ZNF16: variants seen among roughly 807,000 people sequenced by gnomAD.
ZNF16 encodes the protein zinc finger protein 16, also known as zinc finger protein KOX9.
A neutral mutation model predicts 9.0 loss-of-function variants in ZNF16; 7 were observed. The ratio of observed to expected loss-of-function variants is 0.78; its 90% CI spans 0.44 to 1.47. The LOEUF is 1.47. Ranked by LOEUF, ZNF16 falls within the 40% of genes most tolerant of loss-of-function variation. The probability of loss-of-function intolerance (pLI) is 0.01; values close to 1 mark genes in which losing one functional copy is unlikely to be tolerated. For synonymous variants in ZNF16, 312 were observed against 301.5 expected (o/e 1.03, Z -0.36); for missense variants, 830 against 854.2 (o/e 0.97, Z 0.35).
intron 2 of ZNF16, chr8:144,944,677 C>A (rs1833886157): frequency 6.6e-6 from 1 of 152,198 alleles, no homozygotes; most frequent in Non-Finnish European, 1.5e-5. Context: ...TTATATGCTT[C>A]ATGATTTTTG....
chr8:144,945,933 C>A, intron 2 of ZNF16, 78 bp downstream of exon 2: 1 of 1,571,706 alleles, frequency 6.4e-7, no homozygotes, highest in East Asian at 2.3e-5. Context: ...ACAGATGCCT[C>A]CTAGGGGTAA....
At chr8:144,935,359 T>C (rs1214970103) in intron 2 of ZNF16, among the ~76,000 whole-genome samples, 3 of 152,038 alleles carry the variant, frequency 2.0e-5, no homozygotes, top group Non-Finnish European at 2.9e-5. Flanking sequence ...TGTGCCACCA[T>C]GCCCTGCTAA....
Position 144,932,092 on chromosome 8 carries a change from G to T in ZNF16, c.695C>A (p.Thr232Asn), listed in dbSNP as rs1377368055. 1.9e-6 allele frequency: 3 copies of T among 1,614,136 alleles called. No individual in the cohort carries two copies. The highest frequency in any genetic ancestry group is 1.3e-5 in the African/African-American group (1 of 75,034). Residue 232 changes from threonine (T) to asparagine (N), a missense_variant, in exon 3 of 3, where the codon ACT becomes AAT. Thr to Asn is a moderately conservative substitution (Grantham distance 65, BLOSUM62 0). Transcript: ENST00000394909. This position sits in a 1 kb window ranked among gnomAD's most constrained non-coding sequence, Gnocchi z 5.0. Reference protein sequence around the residue: ...PDLIQRQIVHTGEASFMCDDC... With the variant: ...PDLIQRQIVHNGEASFMCDDC... ...ATCACACATAAAGGAAGCCTCCCCAGTGTGGACTATTTGACGCTGAATAAG... is the reference window on the plus strand; with the variant it reads ...ATCACACATAAAGGAAGCCTCCCCATTGTGGACTATTTGACGCTGAATAAG...
In ZNF16 at chr8:144,931,992, G is replaced by T; in HGVS notation, c.795C>A (p.Tyr265Ter). 1 of 1,614,138 alleles carries T rather than the reference G, an allele frequency of 6.2e-7. No homozygotes were observed. Residue 265 changes from tyrosine (Y) to a stop codon, truncating the protein, a stop_gained, in exon 3 of 3, where the codon TAC (tyrosine) becomes TAA (stop). Coordinates refer to ENST00000394909, the MANE Select transcript of ZNF16 (RefSeq NM_006958.3). LOFTEE classifies it low-confidence loss of function (END_TRUNC). Reference protein sequence around the residue: ...RHRSHMSEKAYQCSECGKAFR... With the variant: ...RHRSHMSEKA Reference sequence around the variant, plus strand: ...AGGCTTTCCCACATTCGCTGCACTGGTAAGCTTTCTCACTCATATGAGATC... The same window carrying T: ...AGGCTTTCCCACATTCGCTGCACTGTTAAGCTTTCTCACTCATATGAGATC...
At position 144,946,045 on chromosome 8, in the gene ZNF16, C is replaced by T. The variant is rs373803985; in HGVS notation, c.162G>A (p.Glu54=). The T allele has an allele frequency of 2.5e-6, 4 of 1,613,708 alleles. No homozygotes were observed. In the African/African-American group the frequency reaches 5.3e-5, roughly 22 times the overall value. The part of the protein sequence containing the change: ...ACGTPCCSDT[E]LEAICPHYQQ... ...GATAGTGAGGGCAGATGGCTTCCAG[C>T]TCAGTATCACTACAGCAGGGGGTAC... Residue 54 remains glutamate (E), a synonymous_variant, in exon 2 of 3, where the codon GAG becomes GAA. Coordinates refer to ENST00000394909, the MANE Select transcript of ZNF16 (RefSeq NM_006958.3).
intron 2 of ZNF16, among the ~76,000 whole-genome samples, chr8:144,940,235 C>T (rs1346022050): frequency 6.6e-6 from 1 of 152,076 alleles, no homozygotes; most frequent in South Asian, 2.1e-4. Flanking sequence ...CAAGCAACCA[C>T]GCCCAGCTAA....
At chr8:144,950,162 T>G (rs967174608) in intron 1 of ZNF16, among the ~76,000 whole-genome samples, 2 of 151,758 alleles carry the variant, frequency 1.3e-5, no homozygotes, top group African/African-American at 2.4e-5. Flanking sequence ...CCCTTAAACT[T>G]AATTATGGCA....
In ZNF16 at chr8:144,946,057, A is replaced by G. The variant is rs948269632; in HGVS notation, c.150T>C (p.Cys50=). The G allele has an allele frequency of 3.1e-6, 5 of 1,613,590 alleles. No individual in the cohort carries two copies. In the African/African-American group the frequency reaches 5.3e-5, roughly 17 times the overall value. ...PGSAACGTPC[C]SDTELEAICP... is the part of the protein sequence containing the mutation. The stretch of plus-strand genomic sequence containing the variant: ...AGATGGCTTCCAGCTCAGTATCACT[A>G]CAGCAGGGGGTACCACAGGCTGCAG... Residue 50 remains cysteine (C), a synonymous_variant, in exon 2 of 3, where the codon TGT becomes TGC. Coordinates refer to ENST00000394909, the MANE Select transcript of ZNF16 (RefSeq NM_006958.3).
rs1388353746 is a variant in ZNF16, at chr8:144,933,516, C to T, written c.197-926G>A. ...AAAGAAACCCTCATGTCCCTGTGTC[C>T]CTTACTCAAATGAAGATGTCACGAG... On this transcript the variant is annotated intron_variant, in intron 2 of 2. Transcript: ENST00000394909. This position sits in a 1 kb window ranked among gnomAD's most constrained non-coding sequence, Gnocchi z 5.6. Among the ~76,000 whole-genome samples the T allele has an allele frequency of 6.6e-6, 1 of 152,058 alleles. No individual in the cohort carries two copies. The highest frequency in any genetic ancestry group is 6.5e-5 in the Admixed American group (1 of 15,272).
intron 2 of ZNF16, among the ~76,000 whole-genome samples, chr8:144,936,441 A>G (rs1833683951): frequency 6.6e-6 from 1 of 152,178 alleles, no homozygotes; most frequent in Non-Finnish European, 1.5e-5. Flanking sequence ...GAGTAGTACT[A>G]TGTTCAAACT....
Position 144,930,770 on chromosome 8 carries a change from T to C in ZNF16, c.2017A>G (p.Ile673Val). Residue 673 changes from isoleucine (I) to valine (V), a missense_variant, in exon 3 of 3, where the codon ATC becomes GTC. Transcript: ENST00000394909. ...CTGGTGTGAATCAACTGGTGTTTGA[T>C]CAACTTTGATCGCTGGCTGAAGGCT... Reference protein sequence around the residue: ...GKAFSQRSKLIKHQLIHTRE With the variant: ...GKAFSQRSKLVKHQLIHTRE The C allele has an allele frequency of 6.5e-7, 1 of 1,534,314 alleles. No homozygotes were observed. The highest frequency in any genetic ancestry group is 8.7e-7 in the Non-Finnish European group (1 of 1,143,492).
chr8:144,930,582 T>C lies in ZNF16; in HGVS notation c.*156A>G, dbSNP rs528730375. 8.1e-6 allele frequency: 6 copies of C among 740,712 alleles called. No individual in the cohort carries two copies. The East Asian group carries it at 1.3e-4, about 16-fold the overall frequency. 45.9% of individuals were successfully genotyped at this position (740,712 alleles called of 1,614,324 possible). ...CAGTGAGAAGGGAGCCTGTAAAGGA[T>C]GTTTCAAAGGAGGGTCCCAGGCTAT... On this transcript the variant is annotated 3_prime_UTR_variant, in exon 3 of 3. Transcript: ENST00000394909.
At chr8:144,944,575 T>C (rs184118500) in intron 2 of ZNF16, 11 of 152,406 alleles carry the variant, frequency 7.2e-5, no homozygotes, top group Admixed American at 2.6e-4. Context: ...TTTGAAGTTT[T>C]TGTCTACTTA....
At chr8:144,945,950 G>T in intron 2 of ZNF16, 61 bp downstream of exon 2, 1 of 1,594,450 alleles carries the variant, frequency 6.3e-7, no homozygotes, top group South Asian at 1.1e-5. Context: ...GTAAGCACAG[G>T]GTTCCATGGA....
Position 144,931,655 on chromosome 8 carries a change from CA to C in ZNF16, c.1131del (p.Phe377LeufsTer16). The C allele has an allele frequency of 2.5e-6, 4 of 1,613,512 alleles. No homozygotes were observed. The highest frequency in any genetic ancestry group is 3.4e-6 in the Non-Finnish European group (4 of 1,179,850). Reference protein sequence around the residue: ...HHRTHTGEKPFECGECGKAFS... With the variant: ...HHRTHTGEKPXECGECGKAFS... ...AAGGCTTTCCCACACTCGCCACACT[CA>C]AAAGGCTTCTCTCCTGTGTGAGTCC... On this transcript the variant is annotated frameshift_variant, in exon 3 of 3. Transcript: ENST00000394909. LOFTEE classifies it low-confidence loss of function (END_TRUNC).
chr8:144,934,818 G>T (rs1470830007), intron 2 of ZNF16, among the ~76,000 whole-genome samples: 1 of 152,210 alleles, frequency 6.6e-6, no homozygotes, highest in Non-Finnish European at 1.5e-5. Context: ...CATTACGGCT[G>T]TATGATCTCT....
rs181996509 is a variant in ZNF16, at chr8:144,935,458, G to A, written c.197-2868C>T. 9.9e-4 allele frequency among the ~76,000 whole-genome samples: 150 copies of A among 151,398 alleles called. 3 individuals are homozygous for A. The highest frequency in any genetic ancestry group is 9.4e-3 in the Admixed American group (143 of 15,266). ...TGACCTCAGGTGATCTACCCGCCTC[G>A]GCCTCCCAGACTGCTGGGATTACAG... On this transcript the variant is annotated intron_variant, in intron 2 of 2. Transcript: ENST00000394909.
At chr8:144,942,791 T>C (rs1271671067) in intron 2 of ZNF16, among the ~76,000 whole-genome samples, 1 of 152,234 alleles carries the variant, frequency 6.6e-6, no homozygotes, top group Non-Finnish European at 1.5e-5. Context: ...GCAGACCTTT[T>C]ATGCATTTGT....
At chr8:144,941,000 C>T (rs1833784535) in intron 2 of ZNF16, among the ~76,000 whole-genome samples, 1 of 152,142 alleles carries the variant, frequency 6.6e-6, no homozygotes, top group Non-Finnish European at 1.5e-5. Flanking sequence ...TAACGACACA[C>T]TGCAGATTAG....
Sources: allele counts gnomAD v4.1 joint callset (sites outside exome capture counted in the v4.1 genomes callset), GRCh38; gene constraint gnomAD v4.1.1; non-coding constraint Gnocchi (gnomAD v3.1); transcripts MANE v1.5; gene names NCBI Gene and HGNC (gene_info 2026-07-23, HGNC 2026-07-21).